Variants in CCDC92 observed in about 807,000 individuals in gnomAD.
The protein encoded by CCDC92 is coiled-coil domain containing 92.
CCDC92 carries 12 observed loss-of-function variants against 24.9 expected under a neutral mutation model. That is an observed-to-expected ratio of 0.48 (90% CI 0.31 to 0.78). The LOEUF is 0.78. Ranked by LOEUF, CCDC92 falls within the 30% of genes least tolerant of loss-of-function variation. The probability of loss-of-function intolerance (pLI) is 0.05; values close to 1 mark genes in which losing one functional copy is unlikely to be tolerated. For missense variants in CCDC92, 399 were observed against 439.4 expected (o/e 0.91, Z 0.82); for synonymous variants, 193 against 196.3 (o/e 0.98, Z 0.14).
At chr12:123,939,394 C>T (rs1955618048) in intron 4 of CCDC92, among the ~76,000 whole-genome samples, 1 of 152,240 alleles carries the variant, frequency 6.6e-6, no homozygotes, top group African/African-American at 2.4e-5. Flanking sequence ...TTGCATGTTA[C>T]AAGCTCGCTG....
intron 4 of CCDC92, among the ~76,000 whole-genome samples, chr12:123,941,910 G>A (rs920819195): frequency 1.3e-5 from 2 of 152,218 alleles, no homozygotes; most frequent in African/African-American, 4.8e-5. Context: ...AGGTTATGAA[G>A]ATTATAAATG....
At chr12:123,941,076 C>T (rs2137893716) in intron 4 of CCDC92, among the ~76,000 whole-genome samples, 1 of 152,320 alleles carries the variant, frequency 6.6e-6, no homozygotes, top group Non-Finnish European at 1.5e-5. Flanking sequence ...ACTGGAGAGG[C>T]CACAGGGCAA....
At chr12:123,941,921 T>C (rs533165647) in intron 4 of CCDC92, among the ~76,000 whole-genome samples, 1 of 152,366 alleles carries the variant, frequency 6.6e-6, no homozygotes, top group South Asian at 2.1e-4. Flanking sequence ...ATTATAAATG[T>C]CCTCGTCTCC....
intron 1 of CCDC92, among the ~76,000 whole-genome samples, chr12:123,947,014 G>A (rs570451131): frequency 3.5e-4 from 53 of 152,278 alleles, no homozygotes; most frequent in Non-Finnish European, 6.6e-4. Flanking sequence ...CTGGGTGGGC[G>A]TGGGCTTGGC....
At chr12:123,953,267 T>G (rs1421205988) in intron 1 of CCDC92, among the ~76,000 whole-genome samples, 1 of 152,062 alleles carries the variant, frequency 6.6e-6, no homozygotes, top group Non-Finnish European at 1.5e-5. Context: ...AAAAAGTCAT[T>G]TTTTGCAAGA....
chr12:123,939,554 A>G (rs1955623596), intron 4 of CCDC92, among the ~76,000 whole-genome samples: 2 of 152,240 alleles, frequency 1.3e-5, no homozygotes, highest in South Asian at 4.1e-4. Context: ...CGAGGAGTGT[A>G]CTGAATGGGT....
intron 2 of CCDC92, chr12:123,943,697 C>A: frequency 4.9e-6 from 3 of 614,698 alleles, no homozygotes; most frequent in Non-Finnish European, 8.6e-6. Context: ...GCAGCCTCTG[C>A]TTCCCGAACG....
intron 1 of CCDC92, among the ~76,000 whole-genome samples, chr12:123,948,762 CA>C (rs1260247113): frequency 6.6e-6 from 1 of 152,204 alleles, no homozygotes; most frequent in Non-Finnish European, 1.5e-5. Flanking sequence ...AACACATCTC[CA>C]AATGGCATCC....
At chr12:123,942,602 C>G (rs1436250008) in intron 4 of CCDC92, 142 bp downstream of exon 4, 1 of 712,694 alleles carries the variant, frequency 1.4e-6, no homozygotes, top group African/African-American at 1.8e-5. Context: ...TCCTTCTCAT[C>G]TTCTCTTAGA....
intron 1 of CCDC92, among the ~76,000 whole-genome samples, chr12:123,950,916 G>A (rs1956009326): frequency 6.6e-6 from 1 of 152,144 alleles, no homozygotes; most frequent in Non-Finnish European, 1.5e-5. Flanking sequence ...AAGCCCCACT[G>A]CTCCAGAGGC....
chr12:123,955,854 A>G (rs960469706), intron 1 of CCDC92, among the ~76,000 whole-genome samples: 1 of 152,216 alleles, frequency 6.6e-6, no homozygotes, highest in Non-Finnish European at 1.5e-5. Context: ...TGGTTTCATT[A>G]CCTATAACAG....
At chr12:123,967,509 G>A (rs889342034) in intron 1 of CCDC92, among the ~76,000 whole-genome samples, 1 of 152,196 alleles carries the variant, frequency 6.6e-6, no homozygotes, top group Admixed American at 6.5e-5. Context: ...GTTGATGTGT[G>A]TGACAGCCGA....
intron 1 of CCDC92, among the ~76,000 whole-genome samples, chr12:123,960,060 ACTAT>A: frequency 1.3e-5 from 2 of 152,294 alleles, no homozygotes; most frequent in East Asian, 3.9e-4. Flanking sequence ...AGCATTTATC[ACTAT>A]CTAAAGGTAG....
chr12:123,959,833 C>G (rs1275946879), intron 1 of CCDC92, among the ~76,000 whole-genome samples: 1 of 152,116 alleles, frequency 6.6e-6, no homozygotes, highest in African/African-American at 2.4e-5. Context: ...TAGTGTCTAC[C>G]ATGTTGGGCA....
chr12:123,944,322 G>T lies in CCDC92; in HGVS notation c.-17C>A. On this transcript the variant is annotated 5_prime_UTR_variant, in exon 2 of 5. Transcript: ENST00000238156. ...TGAAGTCATGGGTCTTTCTGGAAAA[G>T]CTACCAGAGTAATTCAAGACGCTTG... is the stretch of plus-strand genomic sequence containing the variant. The T allele has an allele frequency of 6.4e-7, 1 of 1,573,998 alleles. No individual in the cohort carries two copies. The highest frequency in any genetic ancestry group is 8.6e-7 in the Non-Finnish European group (1 of 1,164,618).
chr12:123,969,029 G>C (rs1956458716), intron 1 of CCDC92, among the ~76,000 whole-genome samples: 1 of 152,202 alleles, frequency 6.6e-6, no homozygotes, highest in South Asian at 2.1e-4. Context: ...AGGCAACTCT[G>C]CTCTGCTTCT....
At chr12:123,960,487 C>T (rs1311345085) in intron 1 of CCDC92, among the ~76,000 whole-genome samples, 1 of 152,216 alleles carries the variant, frequency 6.6e-6, no homozygotes, top group Non-Finnish European at 1.5e-5. Flanking sequence ...CTTACTGACA[C>T]CTGGAAATTT....
chr12:123,941,562 T>C (rs1955685518), intron 4 of CCDC92, among the ~76,000 whole-genome samples: 2 of 152,216 alleles, frequency 1.3e-5, no homozygotes, highest in African/African-American at 2.4e-5. Flanking sequence ...GAAAAAGGCA[T>C]TGTGGGGAAT....
chr12:123,957,812 G>A (rs973698141), intron 1 of CCDC92, among the ~76,000 whole-genome samples: 4 of 139,714 alleles, frequency 2.9e-5, no homozygotes, highest in African/African-American at 5.4e-5. Context: ...ACGTTCAAGT[G>A]ATTCTTGTGC....
Sources: gnomAD v4.1 joint callset for allele counts (sites outside exome capture counted in the v4.1 genomes callset) on GRCh38, gnomAD v4.1.1 for gene constraint, MANE v1.5 for transcripts, NCBI Gene and HGNC (gene_info 2026-07-23, HGNC 2026-07-21) for gene names.